Variants in HDAC9 observed in about 807,000 individuals in gnomAD.
The protein encoded by HDAC9 is histone deacetylase 9, also known as MEF-2 interacting transcription repressor (MITR) protein.
HDAC9 carries 41 observed loss-of-function variants against 139.4 expected under a neutral mutation model. That is an observed-to-expected ratio of 0.29 (90% CI 0.23 to 0.38). The LOEUF (loss-of-function observed/expected upper bound fraction) is 0.38. Among genes scored for constraint, HDAC9 ranks in the 10% least tolerant of loss-of-function variants. HDAC9 has a pLI of 1.00. For synonymous variants in HDAC9, 517 were observed against 476.2 expected (o/e 1.09, Z -1.12); for missense variants, 1,147 against 1,297.0 (o/e 0.88, Z 1.78).
chr7:18,767,099 T>G lies in HDAC9; in HGVS notation c.2165-7T>G. ...ATCTATATTTTTTATGTCTTCTTACTGTATAGGTGATGACTCTCAAAAGTT... is the reference window on the plus strand; with the variant it reads ...ATCTATATTTTTTATGTCTTCTTACGGTATAGGTGATGACTCTCAAAAGTT... On this transcript the variant is annotated splice_region_variant and splice_polypyrimidine_tract_variant and intron_variant, in intron 15 of 25. Transcript: ENST00000686413. 2 of 1,476,040 alleles carry G rather than the reference T, an allele frequency of 1.4e-6. No individual in the cohort carries two copies. Among genetic ancestry groups the G allele is most frequent in the Non-Finnish European group, 1.8e-6 (2 of 1,083,190 alleles). The allele number at this position is 1,476,040 out of a possible 1,614,324, so 91.4% of individuals were successfully genotyped here.
chr7:18,532,881 A>T (rs1207969657), intron 2 of HDAC9, among the ~76,000 whole-genome samples: 2 of 151,654 alleles, frequency 1.3e-5, no homozygotes, highest in African/African-American at 4.8e-5. Flanking sequence ...TTATTTGTTT[A>T]TGCATTTTAA....
At chr7:18,675,050 A>G (rs979762943) in intron 12 of HDAC9, among the ~76,000 whole-genome samples, 3 of 151,998 alleles carry the variant, frequency 2.0e-5, no homozygotes, top group South Asian at 2.1e-4. Context: ...CACGTATTCT[A>G]TAGATAATTT....
intron 5 of HDAC9, among the ~76,000 whole-genome samples, chr7:18,592,633 G>T (rs1441887902): frequency 3.9e-5 from 6 of 152,088 alleles, no homozygotes; most frequent in Admixed American, 3.3e-4. Flanking sequence ...TACTTATAAG[G>T]CTATTTTATA....
chr7:18,768,971 A>G (rs1790056301), intron 16 of HDAC9, among the ~76,000 whole-genome samples: 1 of 152,318 alleles, frequency 6.6e-6, no homozygotes, highest in Non-Finnish European at 1.5e-5. Flanking sequence ...ACTGTAGGCT[A>G]ACATAAATGT....
rs539803719 is a variant in HDAC9, at chr7:18,786,932, T to C, written c.2215-6413T>C. Among the ~76,000 whole-genome samples, 19 of 151,812 alleles carry C rather than the reference T, an allele frequency of 1.3e-4. No individual in the cohort carries two copies. The South Asian group carries it at 4.0e-3, about 32-fold the overall frequency. The stretch of plus-strand genomic sequence containing the variant: ...TTACCGATATTCTGGGGTCTTTACA[T>C]TGCCAAGTGCTCAGGATTCTATGAG... On this transcript the variant is annotated intron_variant, in intron 16 of 25. Transcript: ENST00000686413.
chr7:18,097,303 C>T (rs1456408084), intron 1 of HDAC9, among the ~76,000 whole-genome samples: 5 of 152,118 alleles, frequency 3.3e-5, no homozygotes, highest in Non-Finnish European at 7.4e-5. Context: ...AAAAATAGGG[C>T]AATATAGTCC....
In HDAC9 at chr7:18,245,175, C is replaced by A. The variant is rs302145; in HGVS notation, c.25+82826C>A. On this transcript the variant is annotated intron_variant, in intron 2 of 12. Coordinates refer to the HDAC9 transcript ENST00000417496. Reference sequence around the variant, plus strand: ...GACTCCACTGGCAGCTGGTTTCACTCTAGGACAGCTGGGAAAATTTTGCTT... The same window carrying A: ...GACTCCACTGGCAGCTGGTTTCACTATAGGACAGCTGGGAAAATTTTGCTT... Among the ~76,000 whole-genome samples the A allele has an allele frequency of 5.5e-3, 832 of 152,274 alleles. 8 individuals carry two copies. The highest frequency in any genetic ancestry group is 0.019 in the African/African-American group (797 of 41,546).
At chr7:18,467,702 A>T (rs1223733150) in intron 1 of HDAC9, among the ~76,000 whole-genome samples, 1 of 152,206 alleles carries the variant, frequency 6.6e-6, no homozygotes, top group Non-Finnish European at 1.5e-5. Context: ...TTAATATCTC[A>T]TATCACTATA....
intron 1 of HDAC9, among the ~76,000 whole-genome samples, chr7:18,362,675 A>G (rs765493490): frequency 6.6e-6 from 1 of 152,174 alleles, no homozygotes; most frequent in Non-Finnish European, 1.5e-5. Flanking sequence ...ACATTGTAAA[A>G]GAGTGAATGG....
intron 1 of HDAC9, among the ~76,000 whole-genome samples, chr7:18,391,122 T>C (rs572566489): frequency 6.6e-6 from 1 of 152,132 alleles, no homozygotes; most frequent in East Asian, 1.9e-4. Flanking sequence ...CGGTGGCTCA[T>C]GCCTGTAATC....
intron 1 of HDAC9, chr7:18,127,386 C>T (rs1051914566): frequency 5.9e-6 from 1 of 169,754 alleles, no homozygotes; most frequent in Non-Finnish European, 1.5e-5. Flanking sequence ...TAGTAGTGTC[C>T]CTTCCTTCTC....
rs1462710584 is a variant in HDAC9, at chr7:18,409,858, C to T, written c.-41-86404C>T. ...ATATTGGCTAAATTAAACATTTGCC[C>T]GAAAATCTTAGAAGTAGATCTTTGT... On this transcript the variant is annotated intron_variant, in intron 1 of 3. Coordinates refer to the HDAC9 transcript ENST00000413509. Among the ~76,000 whole-genome samples the T allele has an allele frequency of 3.9e-5, 6 of 152,070 alleles. No homozygotes were observed. The South Asian group carries it at 8.3e-4, about 21-fold the overall frequency.
At chr7:18,718,688 G>A (rs1784901537) in intron 12 of HDAC9, among the ~76,000 whole-genome samples, 1 of 152,124 alleles carries the variant, frequency 6.6e-6, no homozygotes, top group Non-Finnish European at 1.5e-5. Context: ...TGGACATTTG[G>A]ATTGTTTGTA....
intron 1 of HDAC9, among the ~76,000 whole-genome samples, chr7:18,308,024 C>G (rs982800506): frequency 2.0e-5 from 3 of 152,102 alleles, no homozygotes; most frequent in African/African-American, 7.2e-5. Flanking sequence ...GAAGAAAAAC[C>G]ATTTCTGATA....
intron 13 of HDAC9, among the ~76,000 whole-genome samples, chr7:18,734,808 C>T (rs569209443): frequency 6.6e-6 from 1 of 152,322 alleles, no homozygotes; most frequent in East Asian, 1.9e-4. Flanking sequence ...TGAGGAATCG[C>T]CACACTGTGT....
At chr7:18,882,077 A>G (rs1799780563) in intron 22 of HDAC9, among the ~76,000 whole-genome samples, 2 of 152,138 alleles carry the variant, frequency 1.3e-5, no homozygotes, top group Non-Finnish European at 2.9e-5. Context: ...TGCCTGGAAC[A>G]TAGTCTAAAT....
At chr7:18,765,636 T>C (rs2129159823) in intron 15 of HDAC9, among the ~76,000 whole-genome samples, 1 of 152,270 alleles carries the variant, frequency 6.6e-6, no homozygotes, top group East Asian at 1.9e-4. Context: ...GTTATCATAT[T>C]ATCTTCATTC....
chr7:18,262,880 G>A (rs1795769373), intron 2 of HDAC9, among the ~76,000 whole-genome samples: 5 of 151,938 alleles, frequency 3.3e-5, no homozygotes, highest in Admixed American at 3.3e-4. Context: ...AATAACAAGG[G>A]AATTAAAATG....
rs74626244 is a variant in HDAC9, at chr7:18,827,890, A to G, written c.2323-1271A>G. ...CTACCATCTTAATGTTTCAGTCTCT[A>G]TTATCTTGTGTTGTTCATTGATAGT... is the stretch of plus-strand genomic sequence containing the variant. On this transcript the variant is annotated intron_variant, in intron 17 of 25. Coordinates refer to ENST00000686413, the MANE Select transcript of HDAC9 (RefSeq NM_178425.4). Among the ~76,000 whole-genome samples the G allele has an allele frequency of 4.6e-3, 706 of 152,200 alleles. 4 individuals carry two copies. Among genetic ancestry groups the G allele is most frequent in the African/African-American group, 0.016 (671 of 41,550 alleles).
Sources: gnomAD v4.1 joint callset for allele counts (sites outside exome capture counted in the v4.1 genomes callset) on GRCh38, gnomAD v4.1.1 for gene constraint, MANE v1.5 for transcripts, NCBI Gene and HGNC (gene_info 2026-07-23, HGNC 2026-07-21) for gene names.